Variants in CCDC30 observed in about 807,000 individuals in gnomAD.
CCDC30 encodes coiled-coil domain containing 30.
A neutral mutation model predicts 100.2 loss-of-function variants in CCDC30; 70 were observed. The observed-to-expected ratio is 0.70, with a 90% CI of 0.58 to 0.85. The LOEUF (loss-of-function observed/expected upper bound fraction) is 0.85, where lower values mean the gene tolerates loss of function less well. Among genes scored for constraint, CCDC30 ranks in the 40% least tolerant of loss-of-function variants. The probability of loss-of-function intolerance (pLI) is 0.00; values close to 1 mark genes in which losing one functional copy is unlikely to be tolerated. For synonymous variants in CCDC30, 233 were observed against 269.5 expected (o/e 0.86, Z 1.33); for missense variants, 652 against 771.2 (o/e 0.85, Z 1.83).
downstream of CCDC30, chr1:42,654,712 C>T (rs540424849): frequency 7.5e-6 from 1 of 133,250 alleles, no homozygotes; most frequent in Admixed American, 7.5e-5. Flanking sequence ...ATACCATAAG[C>T]TTTTTTTTTT....
chr1:42,577,319 G>A, intron 8 of CCDC30, 90 bp downstream of exon 12: 2 of 841,316 alleles, frequency 2.4e-6, no homozygotes, highest in Middle Eastern at 5.8e-4. Context: ...TAAATATGAT[G>A]CAGACTTGAT....
chr1:42,647,302 G>C (rs997599957), intron 15 of CCDC30, among the ~76,000 whole-genome samples: 2 of 147,280 alleles, frequency 1.4e-5, no homozygotes, highest in Non-Finnish European at 3.0e-5. Context: ...AGTCATATCA[G>C]ATAAATTAGA....
intron 11 of CCDC30, among the ~76,000 whole-genome samples, chr1:42,626,253 T>C (rs1044665718): frequency 2.0e-5 from 3 of 152,136 alleles, no homozygotes; most frequent in Non-Finnish European, 2.9e-5. Context: ...TCTTTATAGG[T>C]AAAATGTCCT....
At chr1:42,567,400 A>G (rs1003427840) in intron 7 of CCDC30, among the ~76,000 whole-genome samples, 6 of 152,214 alleles carry the variant, frequency 3.9e-5, no homozygotes, top group African/African-American at 1.4e-4. Flanking sequence ...CACCTGGTAT[A>G]GCAGGATAAA....
intron 6 of CCDC30, among the ~76,000 whole-genome samples, chr1:42,559,424 G>T (rs959210494): frequency 1.3e-5 from 2 of 152,094 alleles, no homozygotes; most frequent in African/African-American, 4.8e-5. Context: ...ACACACACAG[G>T]CTCAAAATAA....
chr1:42,488,465 T>C (rs1334955925), intron 3 of CCDC30, among the ~76,000 whole-genome samples: 1 of 152,086 alleles, frequency 6.6e-6, no homozygotes, highest in Non-Finnish European at 1.5e-5. Flanking sequence ...AGGCGTGTAG[T>C]GCCACAGTTG....
intron 6 of CCDC30, among the ~76,000 whole-genome samples, chr1:42,522,384 G>A (rs1644662168): frequency 6.6e-6 from 1 of 151,812 alleles, no homozygotes; most frequent in African/African-American, 2.4e-5. Context: ...CTGTCATTTT[G>A]CTATTTGTCT....
intron 3 of CCDC30, among the ~76,000 whole-genome samples, chr1:42,484,492 G>C (rs1395380834): frequency 6.6e-6 from 1 of 152,194 alleles, no homozygotes. Flanking sequence ...TGTTCTATCA[G>C]CAGTTGCTCT....
intron 11 of CCDC30, among the ~76,000 whole-genome samples, chr1:42,626,497 T>G (rs1646936357): frequency 6.6e-6 from 1 of 152,172 alleles, no homozygotes; most frequent in Non-Finnish European, 1.5e-5. Flanking sequence ...ATGATTTAGT[T>G]TCCTTTTTAT....
intron 14 of CCDC30, among the ~76,000 whole-genome samples, chr1:42,645,390 A>C (rs1380842093): frequency 6.6e-6 from 1 of 152,008 alleles, no homozygotes; most frequent in South Asian, 2.1e-4. Flanking sequence ...AAGTCCAAGC[A>C]GACAAGTGGC....
intron 11 of CCDC30, among the ~76,000 whole-genome samples, chr1:42,625,290 T>G (rs114888529): frequency 0.011 from 1,684 of 151,662 alleles, 35 homozygotes; most frequent in African/African-American, 0.039. Context: ...CCTGCTAAAG[T>G]TTTGTTGATT....
intron 6 of CCDC30, among the ~76,000 whole-genome samples, chr1:42,503,880 G>T (rs1218608223): frequency 6.6e-6 from 1 of 152,148 alleles, no homozygotes; most frequent in Non-Finnish European, 1.5e-5. Context: ...AGCTCAGTCA[G>T]GGAGACCCTC....
intron 4 of CCDC30, among the ~76,000 whole-genome samples, chr1:42,495,392 A>C (rs1644216062): frequency 6.6e-6 from 1 of 152,090 alleles, no homozygotes; most frequent in Admixed American, 6.6e-5. Context: ...GCATTGGGAG[A>C]TATACCTAAT....
At chr1:42,514,902 C>T (rs190726307) in intron 6 of CCDC30, among the ~76,000 whole-genome samples, 47 of 152,280 alleles carry the variant, frequency 3.1e-4, no homozygotes, top group Admixed American at 1.3e-3. Flanking sequence ...ATCCACACAC[C>T]TTGGCCTCCC....
intron 11 of CCDC30, among the ~76,000 whole-genome samples, chr1:42,629,554 A>T (rs976411742): frequency 2.0e-5 from 3 of 151,770 alleles, no homozygotes; most frequent in Non-Finnish European, 4.4e-5. Flanking sequence ...TTGGATATTG[A>T]TATCTTTCTC....
At chr1:42,644,828 T>C (rs1365165421) in intron 14 of CCDC30, 21 bp downstream of exon 18, 6 of 1,466,706 alleles carry the variant, frequency 4.1e-6, no homozygotes, top group East Asian at 2.3e-5. Flanking sequence ...TGCTTCCTAT[T>C]GGGCCTGCCT....
chr1:42,605,626 A>G (rs7516731), intron 10 of CCDC30, among the ~76,000 whole-genome samples: 148,298 of 152,188 alleles, frequency 0.97, 72,376 homozygotes, highest in African/African-American at 0.99. Flanking sequence ...CTACAGGCAT[A>G]TGCAACCATG....
chr1:42,497,334 G>A, intron 5 of CCDC30, 121 bp downstream of exon 5: 1 of 453,120 alleles, frequency 2.2e-6, no homozygotes, highest in Non-Finnish European at 3.6e-6. Flanking sequence ...ACTGGTGGCT[G>A]TAATATCTCA....
chr1:42,649,300 T>C (rs1038754936), intron 15 of CCDC30, among the ~76,000 whole-genome samples: 3 of 152,108 alleles, frequency 2.0e-5, no homozygotes, highest in South Asian at 2.1e-4. Flanking sequence ...GCTCAACATA[T>C]GCAAATCAAT....
Sources: gnomAD v4.1 joint callset for allele counts (sites outside exome capture counted in the v4.1 genomes callset) on GRCh38, gnomAD v4.1.1 for gene constraint, MANE v1.5 for transcripts, NCBI Gene and HGNC (gene_info 2026-07-23, HGNC 2026-07-21) for gene names.